The following CHD1L variants were observed in gnomAD, a reference collection of about 807,000 sequenced individuals.
CHD1L encodes chromodomain helicase DNA binding protein 1 like.
Under a neutral mutation model 115.9 loss-of-function variants are expected in CHD1L, and 118 were observed. The ratio of observed to expected loss-of-function variants is 1.02; its 90% CI spans 0.88 to 1.19. The LOEUF is 1.19. CHD1L is among the 50% of genes most tolerant of loss of function. The probability of loss-of-function intolerance (pLI) is 0.00; values close to 1 mark genes in which losing one functional copy is unlikely to be tolerated. For missense variants in CHD1L, 1,179 were observed against 1,065.3 expected, an observed-to-expected ratio of 1.11 and a Z score of -1.49; for synonymous variants, 411 against 387.1, an observed-to-expected ratio of 1.06 and a Z score of -0.72.
At chr1:147,199,494 A>C in the CHD1L span, among the ~76,000 whole-genome samples, 1 of 152,212 alleles carries the variant, frequency 6.6e-6, no homozygotes, top group Non-Finnish European at 1.5e-5. Context: ...ATTTTCCCTA[A>C]GATCCCATAA....
At chr1:147,259,795 TTTAAA>T (rs781970781) in intron 5 of CHD1L, 37 bp from the exon 6 acceptor site, 2 of 1,531,770 alleles carry the variant, frequency 1.3e-6, no homozygotes, top group Non-Finnish European at 1.8e-6. Context: ...GAAATATGTG[TTTAAA>T]TTACACAAAA....
chr1:147,188,090 T>G, the CHD1L span, among the ~76,000 whole-genome samples: 1 of 152,212 alleles, frequency 6.6e-6, no homozygotes, highest in Non-Finnish European at 1.5e-5. Context: ...AAGTAGGAAT[T>G]TATTGAAATG....
At chr1:147,268,448 G>A (rs1439064845) in intron 9 of CHD1L, among the ~76,000 whole-genome samples, 1 of 152,086 alleles carries the variant, frequency 6.6e-6, no homozygotes, top group Non-Finnish European at 1.5e-5. Context: ...GGGGGTGTTG[G>A]GAACACATAG....
the CHD1L span, among the ~76,000 whole-genome samples, chr1:147,236,936 C>T: frequency 0.48 from 72,340 of 152,016 alleles, 18,683 homozygotes; most frequent in East Asian, 0.71. Flanking sequence ...AGGTCTTCAC[C>T]GGTGACCTGC....
At chr1:147,288,917 G>C (rs1422821153) in intron 19 of CHD1L, among the ~76,000 whole-genome samples, 1 of 152,116 alleles carries the variant, frequency 6.6e-6, no homozygotes, top group Non-Finnish European at 1.5e-5. Flanking sequence ...AAATAACAAA[G>C]TGGCAAGAAT....
At chr1:147,177,396 A>G in the CHD1L span, among the ~76,000 whole-genome samples, 1 of 152,252 alleles carries the variant, frequency 6.6e-6, no homozygotes, top group African/African-American at 2.4e-5. Flanking sequence ...TAATTGGGAG[A>G]TAATTCTCAT....
At chr1:147,255,290 C>T (rs953706731) in intron 3 of CHD1L, among the ~76,000 whole-genome samples, 7 of 152,150 alleles carry the variant, frequency 4.6e-5, no homozygotes, top group South Asian at 2.1e-4. Context: ...TGCAATGGCA[C>T]GATCTTGGCT....
chr1:147,244,957 A>G (rs778237977), intron 1 of CHD1L, among the ~76,000 whole-genome samples: 2 of 152,174 alleles, frequency 1.3e-5, no homozygotes, highest in Non-Finnish European at 2.9e-5. Flanking sequence ...GGTATTTTCT[A>G]ATTTGAGAAG....
At chr1:147,187,331 G>GA in the CHD1L span, 1 of 915,740 alleles carries the variant, frequency 1.1e-6, no homozygotes, top group Non-Finnish European at 1.7e-6. Context: ...GCCTGCTATT[G>GA]GCTCAATATC....
At chr1:147,274,175 C>G (rs1002323289) in intron 12 of CHD1L, among the ~76,000 whole-genome samples, 1 of 152,178 alleles carries the variant, frequency 6.6e-6, no homozygotes, top group Non-Finnish European at 1.5e-5. Context: ...GTCCCTTACC[C>G]TCCCTTTCAA....
intron 4 of CHD1L, 87 bp from the exon 5 acceptor site, chr1:147,256,444 A>G (rs968572938): frequency 1.7e-6 from 2 of 1,146,678 alleles, no homozygotes; most frequent in African/African-American, 3.1e-5. Context: ...TAAATCCTAT[A>G]GTTTAAGAGA....
At chr1:147,201,134 A>G in the CHD1L span, 4 of 1,558,246 alleles carry the variant, frequency 2.6e-6, no homozygotes, top group African/African-American at 1.4e-5. Flanking sequence ...TAAGTAGTCT[A>G]TTTGCATGGT....
chr1:147,294,478 T>A lies in CHD1L; in HGVS notation c.2576T>A (p.Ile859Asn), dbSNP rs782120249. 4 of 1,613,270 alleles carry A rather than the reference T, an allele frequency of 2.5e-6. No homozygotes were observed. In the South Asian group the frequency reaches 4.4e-5, roughly 18 times the overall value. The change falls in exon 22 of 23, where the codon ATT (isoleucine) becomes AAT (asparagine). Residue 859 changes from isoleucine (I) to asparagine (N), a missense_variant. Transcript: ENST00000369258. ...AACTGGTATGGTACTGAGCGACTTA[T>A]TCGGAAACATCTGGCTGCAAGAGGC... ...GFNWYGTERL[I>N]RKHLAARGIP...
At chr1:147,201,754 C>T in the CHD1L span, among the ~76,000 whole-genome samples, 8 of 152,164 alleles carry the variant, frequency 5.3e-5, no homozygotes, top group Admixed American at 6.5e-5. Context: ...TTGAGGAGTG[C>T]ATATATGATT....
At chr1:147,203,651 T>C in the CHD1L span, 1 of 1,383,608 alleles carries the variant, frequency 7.2e-7, no homozygotes, top group South Asian at 1.2e-5. Context: ...AGGACATGTC[T>C]CTCCATATGA....
At chr1:147,203,509 G>A in the CHD1L span, 53,146 of 865,430 alleles carry the variant, frequency 0.061, 2,401 homozygotes, top group East Asian at 0.2. Context: ...TCCTTCTTGA[G>A]GTACTGCATA....
the CHD1L span, among the ~76,000 whole-genome samples, chr1:147,205,428 T>C: frequency 2.0e-5 from 3 of 152,194 alleles, no homozygotes; most frequent in Non-Finnish European, 4.4e-5. Context: ...ACATGTCCTA[T>C]GTAGTATATG....
the CHD1L span, chr1:147,224,197 G>T: frequency 3.9e-6 from 1 of 255,102 alleles, no homozygotes; most frequent in Non-Finnish European, 7.8e-6. Context: ...AGGAGGTGTG[G>T]CTAAGTTGGT....
At chr1:147,196,266 T>C in the CHD1L span, among the ~76,000 whole-genome samples, 2 of 152,142 alleles carry the variant, frequency 1.3e-5, no homozygotes, top group African/African-American at 4.8e-5. Flanking sequence ...GTTTTTACAT[T>C]TTAGCCATGG....
Sources: allele counts gnomAD v4.1 joint callset (sites outside exome capture counted in the v4.1 genomes callset), GRCh38; gene constraint gnomAD v4.1.1; transcripts MANE v1.5; gene names NCBI Gene and HGNC (gene_info 2026-07-23, HGNC 2026-07-21).